ADRA1A: variants seen among roughly 807,000 people sequenced by gnomAD.
The protein encoded by ADRA1A is alpha-1A adrenergic receptor.
ADRA1A carries 31 observed loss-of-function variants against 29.6 expected under a neutral mutation model. That is an observed-to-expected ratio of 1.05 (90% confidence interval 0.79 to 1.41). ADRA1A has a LOEUF of 1.41. Ranked by LOEUF, ADRA1A falls within the 40% of genes most tolerant of loss-of-function variation. The pLI is 0.00. For synonymous variants in ADRA1A, 311 were observed against 254.3 expected, an observed-to-expected ratio of 1.22 and a Z score of -2.12; for missense variants, 619 against 601.1, an observed-to-expected ratio of 1.03 and a Z score of -0.31.
In ADRA1A at chr8:26,867,238, A is replaced by G; in HGVS notation, c.-989T>C. ...AATATTCAGCTCCCCGACACCAGAA[A>G]AGAATAGCAAGGAACTTTGCAGCTC... On this transcript the variant is annotated 5_prime_UTR_variant, in exon 1 of 3. Transcript: ENST00000380573. The G allele has an allele frequency of 1.0e-6, 1 of 985,466 alleles. No individual in the cohort carries two copies. The allele number at this position is 985,466 out of a possible 1,614,324, so 61.0% of individuals were successfully genotyped here. A position where few individuals can be genotyped will look rare whatever the true frequency, so the allele number is the denominator to read the frequency against.
intron 2 of ADRA1A, chr8:26,854,540 G>C (rs1427341410): frequency 6.6e-6 from 1 of 152,088 alleles, no homozygotes; most frequent in East Asian, 1.9e-4. Context: ...GGGGTAGAGA[G>C]TGTGGTGTGG....
In ADRA1A at chr8:26,815,939, GA is replaced by G. The variant is rs1809722933; in HGVS notation, c.884-45274del. Among the ~76,000 whole-genome samples, 4 of 152,206 alleles carry G rather than the reference GA, an allele frequency of 2.6e-5. No individual in the cohort carries two copies. The highest frequency in any genetic ancestry group is 4.1e-4 in the South Asian group (2 of 4,826). On this transcript the variant is annotated intron_variant, in intron 2 of 2. Transcript: ENST00000380573. The surrounding 1 kb of genome is among the most constrained non-coding windows in gnomAD (Gnocchi z 4.2). ...AGACAGGGCAGGATGAGAAGCAAGG[GA>G]GGGGGCGTGTCCAGGTGCTGCTGGT...
At chr8:26,800,840 G>A (rs1010643412) in intron 2 of ADRA1A, among the ~76,000 whole-genome samples, 2 of 152,086 alleles carry the variant, frequency 1.3e-5, no homozygotes, top group African/African-American at 4.8e-5. Flanking sequence ...AAAATTACAG[G>A]ATAATATCTC....
At chr8:26,757,855 A>ACACG (rs1329041696) in intron 2 of ADRA1A, among the ~76,000 whole-genome samples, 3 of 146,650 alleles carry the variant, frequency 2.0e-5, no homozygotes, top group African/African-American at 7.6e-5. Context: ...TTATATAAGC[A>ACACG]CACGCACACA....
At chr8:26,791,234 A>G (rs1807808743) in intron 2 of ADRA1A, among the ~76,000 whole-genome samples, 1 of 152,132 alleles carries the variant, frequency 6.6e-6, no homozygotes, top group Admixed American at 6.6e-5. Flanking sequence ...TAATTTGAAT[A>G]TTTTGGTTAT....
At chr8:26,774,668 A>G (rs1806417250) in intron 2 of ADRA1A, among the ~76,000 whole-genome samples, 1 of 135,126 alleles carries the variant, frequency 7.4e-6, no homozygotes, top group African/African-American at 2.9e-5. Flanking sequence ...ACCCCTGTCT[A>G]AAAAAAAAAA....
chr8:26,835,700 G>A (rs1458685952), intron 2 of ADRA1A: 1 of 152,156 alleles, frequency 6.6e-6, no homozygotes, highest in African/African-American at 2.4e-5. Context: ...TTTGGGTGGG[G>A]ATATACTCAA....
chr8:26,757,858 C>CACAT (rs1563229320), intron 2 of ADRA1A, among the ~76,000 whole-genome samples: 1 of 112,752 alleles, frequency 8.9e-6, no homozygotes, highest in Non-Finnish European at 1.8e-5. Context: ...TATAAGCACA[C>CACAT]GCACACACAC....
Position 26,795,263 on chromosome 8 carries a change from A to T in ADRA1A, c.884-24597T>A, listed in dbSNP as rs145634354. Reference sequence around the variant, plus strand: ...AAGGAACTAACTTAAATGAACAACCATTGGCCAATGATGAGACAATGTGAG... The same window carrying T: ...AAGGAACTAACTTAAATGAACAACCTTTGGCCAATGATGAGACAATGTGAG... On this transcript the variant is annotated intron_variant, in intron 2 of 2. Transcript: ENST00000380573. 2.8e-3 allele frequency among the ~76,000 whole-genome samples: 415 copies of T among 149,226 alleles called. 8 individuals are homozygous for T. Among genetic ancestry groups the T allele is most frequent in the Admixed American group, 0.024 (354 of 14,862 alleles).
At chr8:26,800,435 G>C (rs1201819368) in intron 2 of ADRA1A, among the ~76,000 whole-genome samples, 2 of 152,098 alleles carry the variant, frequency 1.3e-5, no homozygotes, top group Admixed American at 1.3e-4. Context: ...ATGGGGGAAA[G>C]TCTTTTCAAC....
chr8:26,864,497 G>T lies in ADRA1A; in HGVS notation c.473C>A (p.Ser158Tyr). The T allele has an allele frequency of 6.2e-7, 1 of 1,613,928 alleles. No homozygotes were observed. Among genetic ancestry groups the T allele is most frequent in the Non-Finnish European group, 8.5e-7 (1 of 1,180,028 alleles). ...CCTCCAGCCGAACAGGGGTCCAATG[G>T]ATATGACCAGGGAGAGTGCCCAGAC... is the stretch of plus-strand genomic sequence containing the variant. ...LCVWALSLVI[S>Y]IGPLFGWRQP... The change falls in exon 2 of 3, where the codon TCC (serine) becomes TAC (tyrosine). Residue 158 changes from serine (S) to tyrosine (Y), a missense_variant. Coordinates refer to ENST00000380573, the MANE Select transcript of ADRA1A (RefSeq NM_000680.4). The surrounding 1 kb of genome is among the most constrained non-coding windows in gnomAD (Gnocchi z 8.1).
In ADRA1A at chr8:26,770,187, G is replaced by A. The variant is rs866461368; in HGVS notation, c.1363C>T (p.His455Tyr). 1 of 1,584,970 alleles carries A rather than the reference G, an allele frequency of 6.3e-7. No homozygotes were observed. Among genetic ancestry groups the A allele is most frequent in the Non-Finnish European group, 8.6e-7 (1 of 1,164,492 alleles). ...CCGTTCTCACTGAGGGAGATGGTGT[G>A]GACCTTAATGGTTGGAACTTGATGG... ...KNHQVPTIKV[H>Y]TISLSENGEE... The change falls in exon 3 of 3, where the codon CAC becomes TAC. Residue 455 changes from histidine to tyrosine, a missense_variant. His to Tyr is a moderately conservative substitution (Grantham distance 83). Transcript: ENST00000380573.
downstream of ADRA1A, chr8:26,765,848 G>A (rs980070172): frequency 8.5e-6 from 12 of 1,404,142 alleles, no homozygotes; most frequent in South Asian, 1.0e-4. Flanking sequence ...TTAAGTAGCT[G>A]TGATCAGAGT....
chr8:26,820,345 A>G (rs1159125993), intron 2 of ADRA1A, among the ~76,000 whole-genome samples: 1 of 152,244 alleles, frequency 6.6e-6, no homozygotes, highest in Non-Finnish European at 1.5e-5. Flanking sequence ...ACTGGACCAC[A>G]GACAAGTCTT....
At chr8:26,810,717 C>T (rs1322336156) in intron 2 of ADRA1A, among the ~76,000 whole-genome samples, 3 of 152,168 alleles carry the variant, frequency 2.0e-5, no homozygotes, top group Non-Finnish European at 4.4e-5. Context: ...CACTCTTCAA[C>T]CTCAGCATGC....
At chr8:26,861,293 C>G (rs73564056) in intron 2 of ADRA1A, among the ~76,000 whole-genome samples, 14,997 of 140,494 alleles carry the variant, frequency 0.11, 914 homozygotes, top group Non-Finnish European at 0.15. Context: ...ACCTGACCCC[C>G]AGAGGCTCTG....
intron 2 of ADRA1A, among the ~76,000 whole-genome samples, chr8:26,827,993 C>A (rs1034521402): frequency 6.6e-6 from 1 of 152,050 alleles, no homozygotes; most frequent in African/African-American, 2.4e-5. Context: ...TTCTGGGCTC[C>A]AGCAACCCTC....
chr8:26,794,558 A>C (rs756067113), intron 2 of ADRA1A, among the ~76,000 whole-genome samples: 2 of 152,120 alleles, frequency 1.3e-5, no homozygotes, highest in Non-Finnish European at 2.9e-5. Context: ...ACTGTGTTTT[A>C]ACAAAACTTT....
chr8:26,781,028 T>C (rs886097805), intron 2 of ADRA1A, among the ~76,000 whole-genome samples: 7 of 152,330 alleles, frequency 4.6e-5, no homozygotes, highest in African/African-American at 1.7e-4. Flanking sequence ...GCACAATAAA[T>C]GCAATGCGCT....
Sources: gnomAD v4.1 joint callset for allele counts (sites outside exome capture counted in the v4.1 genomes callset) on GRCh38, gnomAD v4.1.1 for gene constraint, Gnocchi (gnomAD v3.1) non-coding constraint, MANE v1.5 for transcripts, NCBI Gene and HGNC (gene_info 2026-07-23, HGNC 2026-07-21) for gene names.